ABCA13: variants seen among roughly 807,000 people sequenced by gnomAD.
ABCA13 encodes the protein ATP binding cassette subfamily A member 13, also known as ATP-binding cassette sub-family A member 13.
ABCA13 carries 476 observed loss-of-function variants against 478.7 expected under a neutral mutation model. That is an observed-to-expected ratio of 0.99 (90% CI 0.92 to 1.07). ABCA13 has a LOEUF of 1.07. Ranked by LOEUF, ABCA13 falls within the 50% of genes least tolerant of loss-of-function variation. The pLI, the probability that ABCA13 is intolerant of heterozygous loss-of-function variation, is 0.00. For synonymous variants in ABCA13, 2,252 were observed against 2,158.9 expected, an observed-to-expected ratio of 1.04 and a Z score of -1.20; for missense variants, 6,060 against 5,910.6, an observed-to-expected ratio of 1.03 and a Z score of -0.83.
At chr7:48,498,374 T>C (rs1830456131) in intron 48 of ABCA13, among the ~76,000 whole-genome samples, 1 of 152,164 alleles carries the variant, frequency 6.6e-6, no homozygotes, top group South Asian at 2.1e-4. Flanking sequence ...GGCAATGCCT[T>C]GTTCAGGATA....
intron 41 of ABCA13, 95 bp downstream of exon 41, chr7:48,412,678 G>A: frequency 1.2e-6 from 1 of 819,430 alleles, no homozygotes; most frequent in Non-Finnish European, 1.7e-6. Context: ...GGAGATGTGG[G>A]TAAGGGGGAG....
chr7:48,585,085 G>A (rs968281456), intron 56 of ABCA13, among the ~76,000 whole-genome samples: 16 of 152,236 alleles, frequency 1.1e-4, no homozygotes, highest in African/African-American at 3.9e-4. Context: ...TTTGGACGAA[G>A]CTACATGACT....
At chr7:48,180,712 C>T (rs1795576542) in intron 1 of ABCA13, among the ~76,000 whole-genome samples, 1 of 152,152 alleles carries the variant, frequency 6.6e-6, no homozygotes, top group African/African-American at 2.4e-5. Context: ...CAGGCGTGAG[C>T]CACCATGCGT....
rs1206841543 is a variant in ABCA13 at position 48,412,488 on chromosome 7, A to G, written c.12364A>G (p.Lys4122Glu). 6.2e-7 allele frequency: 1 copy of G among 1,613,600 alleles called. No homozygotes were observed. Among genetic ancestry groups the G allele is most frequent in the South Asian group, 1.1e-5 (1 of 91,066 alleles). Residue 4122 changes from lysine to glutamate, a missense_variant, in exon 41 of 62, where the codon AAG (lysine) becomes GAG (glutamate). Around this residue, in one of 3 missense-constraint regions of ABCA13, gnomAD observed 1,627 missense variants for 1,571.0 expected, o/e 1.04. Transcript: ENST00000435803. ...LTYTIPKDTD[K>E]ACLKGLFQAL... is the part of the protein sequence containing the mutation. ...CTACACCATTCCAAAGGACACAGAC[A>G]AGGCCTGCTTGAAAGGGCTCTTCCA...
chr7:48,565,214 C>CTTTTTTTT (rs10559411), intron 55 of ABCA13, among the ~76,000 whole-genome samples: 2 of 113,774 alleles, frequency 1.8e-5, no homozygotes, highest in African/African-American at 6.5e-5. Context: ...ATTTAATGAG[C>CTTTTTTTT]TTTTTTTTTT....
At chr7:48,202,972 C>T (rs1384398994) in intron 3 of ABCA13, among the ~76,000 whole-genome samples, 2 of 152,184 alleles carry the variant, frequency 1.3e-5, no homozygotes, top group East Asian at 1.9e-4. Context: ...GGGCGGCGCT[C>T]GTCGGGGAGG....
At chr7:48,528,158 T>G in intron 54 of ABCA13, 78 bp from the exon 55 acceptor site, 1 of 1,245,266 alleles carries the variant, frequency 8.0e-7, no homozygotes, top group Non-Finnish European at 1.1e-6. Flanking sequence ...TCTGATATAA[T>G]TTTGATTTTA....
intron 31 of ABCA13, among the ~76,000 whole-genome samples, chr7:48,357,636 A>G (rs1810141709): frequency 6.6e-6 from 1 of 151,948 alleles, no homozygotes; most frequent in South Asian, 2.1e-4. Context: ...ATCACATTTA[A>G]AAAAATCATC....
At position 48,352,463 on chromosome 7, in the gene ABCA13, C is replaced by G. The variant is rs1809179985; in HGVS notation, c.10664C>G (p.Pro3555Arg). Residue 3555 changes from proline (P) to arginine (R), a missense_variant, in exon 31 of 62, where the codon CCT becomes CGT. Coordinates refer to ENST00000435803, the MANE Select transcript of ABCA13 (RefSeq NM_152701.5). ...CCAGCAGCACAGACTCAGGCGGCCC[C>G]TTACCCCTGCCATACCAGCGACCTG... ...LEPAAQTQAA[P>R]YPCHTSDLFL... 1 of 1,608,434 alleles carries G rather than the reference C, an allele frequency of 6.2e-7. No individual in the cohort carries two copies.
At chr7:48,558,216 T>C (rs1786065408) in intron 55 of ABCA13, among the ~76,000 whole-genome samples, 1 of 123,932 alleles carries the variant, frequency 8.1e-6, no homozygotes, top group South Asian at 3.1e-4. Context: ...CCTTTCACTT[T>C]CTCTTTCCCT....
At chr7:48,302,671 T>C (rs1428646170) in intron 23 of ABCA13, among the ~76,000 whole-genome samples, 3 of 152,218 alleles carry the variant, frequency 2.0e-5, no homozygotes, top group Non-Finnish European at 4.4e-5. Flanking sequence ...CCAAAGGACA[T>C]GACCTTGTTC....
At chr7:48,465,524 C>CTTT (rs71552482) in intron 43 of ABCA13, among the ~76,000 whole-genome samples, 1 of 134,466 alleles carries the variant, frequency 7.4e-6, no homozygotes, top group Non-Finnish European at 1.6e-5. Flanking sequence ...TTTCTTCTTT[C>CTTT]TTTTTTTTTT....
chr7:48,509,086 A>T (rs1041864401), intron 50 of ABCA13, among the ~76,000 whole-genome samples: 1 of 152,108 alleles, frequency 6.6e-6, no homozygotes, highest in Admixed American at 6.5e-5. Context: ...CTATCCTTCG[A>T]GATTCTATTC....
intron 42 of ABCA13, among the ~76,000 whole-genome samples, chr7:48,429,910 G>A (rs6957156): frequency 0.28 from 41,802 of 151,938 alleles, 5,903 homozygotes; most frequent in East Asian, 0.37. Context: ...AATTCTACCC[G>A]GTCATGTCAT....
chr7:48,617,503 G>A (rs1265252882), intron 59 of ABCA13, among the ~76,000 whole-genome samples: 1 of 152,130 alleles, frequency 6.6e-6, no homozygotes, highest in East Asian at 1.9e-4. Context: ...TCCCAGGCTT[G>A]GGCTGGGAGA....
chr7:48,516,338 G>A lies in ABCA13; in HGVS notation c.13641-387G>A, dbSNP rs186202539. Among the ~76,000 whole-genome samples the A allele has an allele frequency of 2.3e-4, 35 of 152,240 alleles. No homozygotes were observed. In the East Asian group the frequency reaches 3.3e-3, roughly 14 times the overall value. On this transcript the variant is annotated intron_variant, in intron 51 of 61. Transcript: ENST00000435803. ...TGTCTTGCTCTATCCCATCAGAGACGTGAATTTCCCCTTTGTCCTGCATAT... is the reference window on the plus strand; with the variant it reads ...TGTCTTGCTCTATCCCATCAGAGACATGAATTTCCCCTTTGTCCTGCATAT...
intron 33 of ABCA13, 45 bp from the exon 34 acceptor site, chr7:48,374,302 A>T: frequency 1.3e-6 from 2 of 1,557,220 alleles, no homozygotes; most frequent in Non-Finnish European, 1.7e-6. Flanking sequence ...TGTGGTCCCA[A>T]TCAAAACACT....
At chr7:48,514,397 C>T (rs900240900) in intron 51 of ABCA13, among the ~76,000 whole-genome samples, 6 of 152,166 alleles carry the variant, frequency 3.9e-5, no homozygotes, top group African/African-American at 1.4e-4. Flanking sequence ...ACATGGCTAT[C>T]CTCAGCTATT....
At chr7:48,419,543 C>T (rs60199616) in intron 41 of ABCA13, among the ~76,000 whole-genome samples, 57,928 of 151,870 alleles carry the variant, frequency 0.38, 11,697 homozygotes, top group African/African-American at 0.51. Flanking sequence ...AATTCTTCCA[C>T]GTAACATGCC....
Sources: allele counts gnomAD v4.1 joint callset (sites outside exome capture counted in the v4.1 genomes callset), GRCh38; gene constraint gnomAD v4.1.1; regional missense constraint gnomAD v4.1.1; transcripts MANE v1.5; gene names NCBI Gene and HGNC (gene_info 2026-07-23, HGNC 2026-07-21).